The following KIAA1328 variants were observed in gnomAD, a reference collection of about 807,000 sequenced individuals.
KIAA1328 encodes the protein KIAA1328, also known as protein hinderin.
KIAA1328 carries 52 observed loss-of-function variants against 68.1 expected under a neutral mutation model. That is an observed-to-expected ratio of 0.76 (90% CI 0.61 to 0.96). KIAA1328 has a LOEUF of 0.96. Among genes scored for constraint, KIAA1328 ranks in the 40% least tolerant of loss-of-function variants. The pLI is 0.00. For missense variants in KIAA1328, 641 were observed against 677.6 expected (o/e 0.95, Z 0.60); for synonymous variants, 232 against 239.4 (o/e 0.97, Z 0.28).
chr18:37,088,380 A>G (rs552314884), intron 7 of KIAA1328, among the ~76,000 whole-genome samples: 8 of 152,172 alleles, frequency 5.3e-5, no homozygotes, highest in Admixed American at 1.3e-4. Context: ...TATTTAAACC[A>G]TATTTGGCAA....
chr18:37,080,258 G>A (rs1292689423), intron 7 of KIAA1328, among the ~76,000 whole-genome samples: 2 of 152,162 alleles, frequency 1.3e-5, no homozygotes, highest in Non-Finnish European at 2.9e-5. Flanking sequence ...CATCTTGTGT[G>A]TTGAGTTCCT....
chr18:37,128,782 T>C (rs2058453091), intron 7 of KIAA1328, among the ~76,000 whole-genome samples: 1 of 152,054 alleles, frequency 6.6e-6, no homozygotes, highest in African/African-American at 2.4e-5. Flanking sequence ...TATAATAGAC[T>C]AATAGACTGG....
chr18:36,992,257 A>G (rs1186128513), intron 6 of KIAA1328, among the ~76,000 whole-genome samples: 4 of 152,122 alleles, frequency 2.6e-5, no homozygotes, highest in Admixed American at 6.5e-5. Context: ...TTTTAATTTA[A>G]TGGTAGTTGA....
At chr18:37,040,409 G>A (rs2055198826) in intron 6 of KIAA1328, among the ~76,000 whole-genome samples, 1 of 152,092 alleles carries the variant, frequency 6.6e-6, no homozygotes, top group Admixed American at 6.6e-5. Flanking sequence ...AAGGTCAGCA[G>A]TCTGACTTTA....
intron 6 of KIAA1328, among the ~76,000 whole-genome samples, chr18:36,985,815 C>A (rs1451474859): frequency 6.6e-6 from 1 of 152,116 alleles, no homozygotes; most frequent in Non-Finnish European, 1.5e-5. Context: ...TTATTAGATA[C>A]AACACCAGAA....
intron 7 of KIAA1328, among the ~76,000 whole-genome samples, chr18:37,145,819 A>G (rs565356075): frequency 4.6e-5 from 7 of 152,112 alleles, no homozygotes; most frequent in Middle Eastern, 3.4e-3. Flanking sequence ...TCATCCTTTT[A>G]TGTTAACCTA....
At chr18:37,061,008 A>T (rs1275854032) in intron 6 of KIAA1328, among the ~76,000 whole-genome samples, 1 of 152,170 alleles carries the variant, frequency 6.6e-6, no homozygotes, top group African/African-American at 2.4e-5. Flanking sequence ...CCAGCTACTC[A>T]GGAGGCTGAA....
At position 37,001,832 on chromosome 18, in the gene KIAA1328, A is replaced by G. The variant is rs149164202; in HGVS notation, c.576+42397A>G. ...CTTCATGATAAAAAGCTTTCATCGA[A>G]CCAGGTTAGAAGTAAAATACTTCAA... On this transcript the variant is annotated intron_variant, in intron 6 of 9. Transcript: ENST00000280020. 4.6e-3 allele frequency among the ~76,000 whole-genome samples: 700 copies of G among 152,292 alleles called. 6 individuals are homozygous for G. The highest frequency in any genetic ancestry group is 0.031 in the South Asian group (148 of 4,824).
chr18:36,841,438 G>T (rs543169164), intron 3 of KIAA1328, among the ~76,000 whole-genome samples: 4 of 151,670 alleles, frequency 2.6e-5, no homozygotes, highest in Non-Finnish European at 4.4e-5. Context: ...CATCTACTGG[G>T]AAGAGGATTC....
rs527448474 is a variant in KIAA1328 at position 37,127,056 on chromosome 18, G to A, written c.1233-33144G>A. On this transcript the variant is annotated intron_variant, in intron 7 of 9. Coordinates refer to ENST00000280020, the MANE Select transcript of KIAA1328 (RefSeq NM_020776.3). ...ATGTTCACTCTATTGACTTCTATTC[G>A]GCATTGCACTAAAAGGAAAGGCAAG... Among the ~76,000 whole-genome samples the A allele has an allele frequency of 2.0e-5, 3 of 152,080 alleles. No individual in the cohort carries two copies. The South Asian group carries it at 6.2e-4, about 32-fold the overall frequency.
chr18:37,094,444 G>A (rs1453248384), intron 7 of KIAA1328, among the ~76,000 whole-genome samples: 2 of 152,176 alleles, frequency 1.3e-5, no homozygotes, highest in East Asian at 3.8e-4. Context: ...TTCACAGACA[G>A]CCAATAACTG....
chr18:37,150,871 A>T (rs954113921), intron 7 of KIAA1328, among the ~76,000 whole-genome samples: 1 of 152,184 alleles, frequency 6.6e-6, no homozygotes, highest in Non-Finnish European at 1.5e-5. Context: ...CAACAGAGAT[A>T]CATCTCTTTA....
chr18:36,957,377 A>G (rs2151261083), intron 5 of KIAA1328, among the ~76,000 whole-genome samples: 1 of 152,296 alleles, frequency 6.6e-6, no homozygotes, highest in Non-Finnish European at 1.5e-5. Flanking sequence ...GAAGGGAAAA[A>G]GAGCCTGGGG....
intron 7 of KIAA1328, among the ~76,000 whole-genome samples, chr18:37,083,524 G>A (rs563328635): frequency 6.6e-5 from 10 of 152,266 alleles, no homozygotes; most frequent in African/African-American, 1.2e-4. Flanking sequence ...CTCAACTCCC[G>A]GTAGAAAACC....
At position 37,026,119 on chromosome 18, in the gene KIAA1328, C is replaced by G. The variant is rs1431836702; in HGVS notation, c.577-40771C>G. Reference sequence around the variant, plus strand: ...ACTGTATGCAAATAAACTAGAAAATCTAGAAGAAATGGATAAATTTCTCGA... The same window carrying G: ...ACTGTATGCAAATAAACTAGAAAATGTAGAAGAAATGGATAAATTTCTCGA... On this transcript the variant is annotated intron_variant, in intron 6 of 9. Transcript: ENST00000280020. 5.9e-5 allele frequency among the ~76,000 whole-genome samples: 9 copies of G among 152,282 alleles called. No individual in the cohort carries two copies. In the East Asian group the frequency reaches 1.7e-3, roughly 29 times the overall value.
intron 7 of KIAA1328, among the ~76,000 whole-genome samples, chr18:37,103,652 T>C (rs2057689004): frequency 6.6e-6 from 1 of 152,034 alleles, no homozygotes; most frequent in Admixed American, 6.6e-5. Context: ...AACAGGCAAA[T>C]GGGTTTGTAT....
Position 37,161,927 on chromosome 18 carries a change from G to A in KIAA1328, c.1414+1546G>A, listed in dbSNP as rs186461128. On this transcript the variant is annotated intron_variant, in intron 8 of 9. Transcript: ENST00000280020. ...ATATCATCAGGCCAGCCCTTGCTGT[G>A]GTGGAGGTTAATCTCTCCTGGGCCT... is the stretch of plus-strand genomic sequence containing the variant. Among the ~76,000 whole-genome samples, 5 of 152,348 alleles carry A rather than the reference G, an allele frequency of 3.3e-5. No individual in the cohort carries two copies. The East Asian group carries it at 7.7e-4, about 23-fold the overall frequency.
chr18:36,988,573 A>G (rs867645431), intron 6 of KIAA1328, among the ~76,000 whole-genome samples: 1 of 152,194 alleles, frequency 6.6e-6, no homozygotes, highest in South Asian at 2.1e-4. Flanking sequence ...TTCTTAAGCC[A>G]TGCTTGGGAA....
intron 2 of KIAA1328, among the ~76,000 whole-genome samples, chr18:36,834,785 C>T (rs1244434749): frequency 6.6e-6 from 1 of 152,026 alleles, no homozygotes; most frequent in African/African-American, 2.4e-5. Context: ...TGAAAAATAT[C>T]ATTGATTTCC....
Sources: gnomAD v4.1 joint callset for allele counts (sites outside exome capture counted in the v4.1 genomes callset) on GRCh38, gnomAD v4.1.1 for gene constraint, MANE v1.5 for transcripts, NCBI Gene and HGNC (gene_info 2026-07-23, HGNC 2026-07-21) for gene names.